UBE3C: variants seen among roughly 807,000 people sequenced by gnomAD.
UBE3C encodes the protein ubiquitin protein ligase E3C.
A neutral mutation model predicts 129.4 loss-of-function variants in UBE3C; 42 were observed. The observed-to-expected ratio is 0.32, with a 90% CI of 0.25 to 0.42. The LOEUF is 0.42. Among genes scored for constraint, UBE3C ranks in the 10% least tolerant of loss-of-function variants. UBE3C has a pLI of 1.00. For missense variants in UBE3C, 1,049 were observed against 1,319.1 expected (o/e 0.80, Z 3.17); for synonymous variants, 510 against 492.4 (o/e 1.04, Z -0.47).
At chr7:157,224,398 G>A (rs1795817986) in intron 16 of UBE3C, among the ~76,000 whole-genome samples, 1 of 151,932 alleles carries the variant, frequency 6.6e-6, no homozygotes, top group Non-Finnish European at 1.5e-5. Context: ...GTTTCGCCGT[G>A]TTAGCCAGGA....
At position 157,225,465 on chromosome 7, in the gene UBE3C, T is replaced by G; in HGVS notation, c.2159T>G (p.Leu720Arg). 6.2e-7 allele frequency: 1 copy of G among 1,605,594 alleles called. No individual in the cohort carries two copies. The highest frequency in any genetic ancestry group is 8.5e-7 in the Non-Finnish European group (1 of 1,178,036). Reference sequence around the variant, plus strand: ...GAAGTTCAAGGAGATGGTCCATTTCTGGATGGAATTAATGTCACAATAAGA... The same window carrying G: ...GAAGTTCAAGGAGATGGTCCATTTCGGGATGGAATTAATGTCACAATAAGA... Reference protein sequence around the residue: ...KQEVQGDGPFLDGINVTIRRN... With the variant: ...KQEVQGDGPFRDGINVTIRRN... Residue 720 changes from leucine (L) to arginine (R), a missense_variant, in exon 17 of 23, where the codon CTG becomes CGG. By Grantham distance (102) the Leu-to-Arg change is moderately radical (BLOSUM62 -2). Transcript: ENST00000348165.
rs1432424952 is a variant in UBE3C, at chr7:157,256,994, C to A, written c.3031C>A (p.Leu1011Met). ...EGFTDEEKRK[L>M]LKFVTSCSRP... ...GTTCACTGATGAAGAAAAGCGCAAA[C>A]TGCTGAAGTTTGTAACAAGCTGCTC... The change falls in exon 22 of 23, where the codon CTG (leucine) becomes ATG (methionine). Residue 1011 changes from leucine (L) to methionine (M), a missense_variant. Coordinates refer to ENST00000348165, the MANE Select transcript of UBE3C (RefSeq NM_014671.3). 1 of 1,614,202 alleles carries A rather than the reference C, an allele frequency of 6.2e-7. No homozygotes were observed. The highest frequency in any genetic ancestry group is 1.1e-5 in the South Asian group (1 of 91,086).
At chr7:157,156,759 C>G (rs1057202282) in intron 1 of UBE3C, among the ~76,000 whole-genome samples, 37 of 150,808 alleles carry the variant, frequency 2.5e-4, no homozygotes, top group Admixed American at 6.6e-5. Context: ...AAACAGATTG[C>G]TGTACTTCTC....
intron 18 of UBE3C, among the ~76,000 whole-genome samples, chr7:157,242,758 A>G (rs73509646): frequency 0.015 from 2,247 of 152,036 alleles, 43 homozygotes; most frequent in African/African-American, 0.05. Flanking sequence ...GAAGTCGAGG[A>G]AAAAAAGGAA....
At chr7:157,164,995 C>A (rs962090146) in intron 2 of UBE3C, among the ~76,000 whole-genome samples, 1 of 152,146 alleles carries the variant, frequency 6.6e-6, no homozygotes, top group Non-Finnish European at 1.5e-5. Flanking sequence ...GGGGGAACTG[C>A]TCTGTACATT....
intron 11 of UBE3C, among the ~76,000 whole-genome samples, chr7:157,203,353 C>A (rs1809344232): frequency 6.6e-6 from 1 of 152,120 alleles, no homozygotes; most frequent in Non-Finnish European, 1.5e-5. Context: ...TTGAGAAATT[C>A]TTTTCTTTCA....
At chr7:157,234,252 T>C (rs1369982234) in intron 18 of UBE3C, among the ~76,000 whole-genome samples, 1 of 152,232 alleles carries the variant, frequency 6.6e-6, no homozygotes, top group Non-Finnish European at 1.5e-5. Context: ...TTCCCTGACC[T>C]AAAATCACAA....
chr7:157,261,994 TATGAAAGAAACACTAAAATGTG>T (rs2116711523), intron 22 of UBE3C, among the ~76,000 whole-genome samples: 1 of 152,332 alleles, frequency 6.6e-6, no homozygotes, highest in Admixed American at 6.5e-5. Context: ...CAATTAGCGT[TATGAAAGAAACACTAAAATGTG>T]GCATTTAATT....
At chr7:157,141,026 G>A (rs935106726) in intron 1 of UBE3C, among the ~76,000 whole-genome samples, 1 of 152,218 alleles carries the variant, frequency 6.6e-6, no homozygotes, top group Non-Finnish European at 1.5e-5. Flanking sequence ...CTCACCAGGA[G>A]CATGCTACAA....
At position 157,267,571 on chromosome 7, in the gene UBE3C, A is replaced by G. The variant is rs9918721; in HGVS notation, c.3082-14A>G. On this transcript the variant is annotated splice_polypyrimidine_tract_variant and intron_variant, in intron 22 of 22. Coordinates refer to ENST00000348165, the MANE Select transcript of UBE3C (RefSeq NM_014671.3). Reference sequence around the variant, plus strand: ...CTTGTTACAGTGACATCTTGCACACATGCTGTTTTTCAGGAGTTGTATCCC... The same window carrying G: ...CTTGTTACAGTGACATCTTGCACACGTGCTGTTTTTCAGGAGTTGTATCCC... 6.8e-3 allele frequency: 10,948 copies of G among 1,612,854 alleles called. 143 individuals carry two copies. The highest frequency in any genetic ancestry group is 0.061 in the African/African-American group (4,606 of 74,926).
At chr7:157,251,746 T>A (rs1160829810) in intron 19 of UBE3C, among the ~76,000 whole-genome samples, 1 of 152,208 alleles carries the variant, frequency 6.6e-6, no homozygotes, top group African/African-American at 2.4e-5. Flanking sequence ...AGATCTGAAA[T>A]TTAGCACTTA....
At chr7:157,198,198 A>G in intron 10 of UBE3C, 8 of 1,574,338 alleles carry the variant, frequency 5.1e-6, no homozygotes, top group East Asian at 2.2e-5. Flanking sequence ...TTCTCCATGC[A>G]TATATTCAGA....
chr7:157,156,512 G>A (rs1807911439), intron 1 of UBE3C, among the ~76,000 whole-genome samples: 1 of 151,462 alleles, frequency 6.6e-6, no homozygotes, highest in Non-Finnish European at 1.5e-5. Flanking sequence ...TCACTACGTT[G>A]GCTGGGCTGG....
intron 21 of UBE3C, 142 bp from the exon 22 acceptor site, chr7:157,256,772 T>TAC: frequency 2.0e-6 from 2 of 999,256 alleles, no homozygotes; most frequent in Non-Finnish European, 3.0e-6. Flanking sequence ...ACACAGGTGA[T>TAC]ACACACATGC....
At chr7:157,209,997 G>A (rs1809544544) in intron 13 of UBE3C, among the ~76,000 whole-genome samples, 1 of 152,170 alleles carries the variant, frequency 6.6e-6, no homozygotes, top group Non-Finnish European at 1.5e-5. Flanking sequence ...TGGCCAAGAT[G>A]GTGAAACCCC....
rs750068479 is a variant in UBE3C, at chr7:157,223,272, C to T, written c.2021C>T (p.Pro674Leu). The change falls in exon 16 of 23, where the codon CCG (proline) becomes CTG (leucine). Residue 674 changes from proline (P) to leucine (L), a missense_variant. Around this residue, in one of 4 missense-constraint regions of UBE3C, gnomAD observed 314 missense variants for 416.9 expected, o/e 0.75. Transcript: ENST00000348165. ...STLDVGLESP[P>L]LSVSEERQLA... Reference sequence around the variant, plus strand: ...GTTTTAGTGGGTTTGGAGTCCCCGCCGCTGTCTGTGTCTGAGGAAAGACAG... The same window carrying T: ...GTTTTAGTGGGTTTGGAGTCCCCGCTGCTGTCTGTGTCTGAGGAAAGACAG... 1.5e-5 allele frequency: 25 copies of T among 1,614,130 alleles called. No individual in the cohort carries two copies. Among genetic ancestry groups the T allele is most frequent in the East Asian group, 6.7e-5 (3 of 44,884 alleles).
chr7:157,161,393 G>GT (rs1325650337), intron 1 of UBE3C, among the ~76,000 whole-genome samples: 1 of 150,984 alleles, frequency 6.6e-6, no homozygotes, highest in Non-Finnish European at 1.5e-5. Context: ...TGTGATGAAG[G>GT]TTTTTTATGT....
At chr7:157,186,125 T>A (rs1362402834) in intron 9 of UBE3C, among the ~76,000 whole-genome samples, 1 of 152,120 alleles carries the variant, frequency 6.6e-6, no homozygotes, top group African/African-American at 2.4e-5. Flanking sequence ...CCTTTGATTT[T>A]AAAAAATTCG....
chr7:157,254,420 TGA>T (rs990227932), intron 21 of UBE3C, 110 bp downstream of exon 21: 2 of 554,916 alleles, frequency 3.6e-6, no homozygotes, highest in Non-Finnish European at 5.0e-6. Flanking sequence ...TTTTTCAGAC[TGA>T]GTTTCACTCT....
Sources: gnomAD v4.1 joint callset for allele counts (sites outside exome capture counted in the v4.1 genomes callset) on GRCh38, gnomAD v4.1.1 for gene constraint, gnomAD v4.1.1 regional missense constraint, MANE v1.5 for transcripts, NCBI Gene and HGNC (gene_info 2026-07-23, HGNC 2026-07-21) for gene names.